Variants in CFAP58 observed in about 807,000 individuals in gnomAD.
The protein encoded by CFAP58 is cilia and flagella associated protein 58.
Under a neutral mutation model 119.5 loss-of-function variants are expected in CFAP58, and 88 were observed. That is an observed-to-expected ratio of 0.74 (90% confidence interval 0.62 to 0.88). The LOEUF (loss-of-function observed/expected upper bound fraction) is 0.88, where lower values mean the gene tolerates loss of function less well. Among genes scored for constraint, CFAP58 ranks in the 40% least tolerant of loss-of-function variants. The pLI, the probability that CFAP58 is intolerant of heterozygous loss-of-function variation, is 0.00. For missense variants in CFAP58, 990 were observed against 1,021.2 expected, an observed-to-expected ratio of 0.97 and a Z score of 0.42; for synonymous variants, 365 against 366.3, an observed-to-expected ratio of 1.00 and a Z score of 0.04.
intron 15 of CFAP58, among the ~76,000 whole-genome samples, chr10:104,438,348 G>GTTTTTTTTTTT (rs759400382): frequency 2.7e-5 from 1 of 36,740 alleles, no homozygotes; most frequent in African/African-American, 8.8e-5. Flanking sequence ...TTTGTTTTTT[G>GTTTTTTTTTTT]TTTTTTTTTT....
intron 9 of CFAP58, among the ~76,000 whole-genome samples, chr10:104,381,389 C>T (rs373497035): frequency 1.2e-4 from 18 of 152,254 alleles, no homozygotes; most frequent in African/African-American, 4.3e-4. Context: ...TTAATGCATT[C>T]ATAGATGGCA....
chr10:104,364,641 C>T lies in CFAP58; in HGVS notation c.441-92C>T, dbSNP rs897793838. ...TGAATAGTGTTAATCATTGACCTGACATCTTTCCCATGAAAATGAACTCAG... is the reference window on the plus strand; with the variant it reads ...TGAATAGTGTTAATCATTGACCTGATATCTTTCCCATGAAAATGAACTCAG... On this transcript the variant is annotated intron_variant, in intron 3 of 17. Coordinates refer to ENST00000369704, the MANE Select transcript of CFAP58 (RefSeq NM_001008723.2). 4.4e-6 allele frequency: 5 copies of T among 1,135,956 alleles called. No homozygotes were observed. In the African/African-American group the frequency reaches 4.8e-5, roughly 11 times the overall value. The allele number at this position is 1,135,956 out of a possible 1,614,324, so 70.4% of individuals were successfully genotyped here.
At chr10:104,368,169 C>T (rs1303100139) in intron 5 of CFAP58, among the ~76,000 whole-genome samples, 1 of 152,256 alleles carries the variant, frequency 6.6e-6, no homozygotes, top group East Asian at 1.9e-4. Context: ...GTGAACAAGA[C>T]TTCCCAAGGC....
At chr10:104,396,183 G>C (rs2012149519) in intron 11 of CFAP58, among the ~76,000 whole-genome samples, 1 of 152,134 alleles carries the variant, frequency 6.6e-6, no homozygotes, top group Non-Finnish European at 1.5e-5. Flanking sequence ...ACAAGCCCCT[G>C]CTTCTATCTT....
At chr10:104,417,450 C>T (rs1014592956) in intron 15 of CFAP58, among the ~76,000 whole-genome samples, 5 of 152,172 alleles carry the variant, frequency 3.3e-5, no homozygotes, top group African/African-American at 1.2e-4. Context: ...TCTTAAACTG[C>T]AGGGACTGAT....
At chr10:104,442,449 G>T (rs544796455) in intron 15 of CFAP58, among the ~76,000 whole-genome samples, 1 of 151,998 alleles carries the variant, frequency 6.6e-6, no homozygotes, top group Non-Finnish European at 1.5e-5. Flanking sequence ...TTAGCTGGGC[G>T]TGGTGGCATG....
At chr10:104,363,980 T>G (rs1010738135) in intron 3 of CFAP58, among the ~76,000 whole-genome samples, 2 of 152,222 alleles carry the variant, frequency 1.3e-5, no homozygotes, top group African/African-American at 4.8e-5. Flanking sequence ...TCATATGGAA[T>G]GGCTTTTGAA....
At chr10:104,432,703 A>G (rs1361186316) in intron 15 of CFAP58, among the ~76,000 whole-genome samples, 1 of 152,156 alleles carries the variant, frequency 6.6e-6, no homozygotes, top group Non-Finnish European at 1.5e-5. Context: ...GGGTTTTACC[A>G]TGTTGGCCAG....
rs748913952 is a variant in CFAP58 at position 104,358,482 on chromosome 10, A to T, written c.151A>T (p.Lys51Ter). 10 of 1,614,104 alleles carry T rather than the reference A, an allele frequency of 6.2e-6. No individual in the cohort carries two copies. The change falls in exon 2 of 18, where the codon AAA becomes TAA. Residue 51 changes from lysine (K) to a stop codon, truncating the protein, a stop_gained. Coordinates refer to ENST00000369704, the MANE Select transcript of CFAP58 (RefSeq NM_001008723.2). LOFTEE classifies it high-confidence loss of function. Reference sequence around the variant, plus strand: ...ATATGAGAGGCTTCATGCTGTCATGAAAAAGTCTTATGACAATGAAAAGCG... The same window carrying T: ...ATATGAGAGGCTTCATGCTGTCATGTAAAAGTCTTATGACAATGAAAAGCG... ...IEYERLHAVM[K>*]KSYDNEKRLM...
chr10:104,368,033 C>G (rs2014774890), intron 5 of CFAP58, among the ~76,000 whole-genome samples: 1 of 152,254 alleles, frequency 6.6e-6, no homozygotes, highest in South Asian at 2.1e-4. Context: ...GAAGATGTAG[C>G]TTCCGAGCCC....
At chr10:104,420,419 T>A (rs2012636854) in intron 15 of CFAP58, among the ~76,000 whole-genome samples, 1 of 152,220 alleles carries the variant, frequency 6.6e-6, no homozygotes, top group African/African-American at 2.4e-5. Flanking sequence ...CACTTGTAAT[T>A]TCAGCCAACC....
intron 15 of CFAP58, among the ~76,000 whole-genome samples, chr10:104,419,134 C>T (rs1163399347): frequency 2.0e-5 from 3 of 152,176 alleles, no homozygotes; most frequent in Non-Finnish European, 2.9e-5. Context: ...TGCCTGCTTT[C>T]CTGCACATGC....
intron 7 of CFAP58, 129 bp downstream of exon 7, chr10:104,371,183 T>C (rs1159023834): frequency 2.4e-6 from 2 of 834,842 alleles, no homozygotes; most frequent in Non-Finnish European, 3.6e-6. Context: ...ACACTCACAC[T>C]GGTAAACAGT....
chr10:104,436,694 AT>A (rs1338698834), intron 15 of CFAP58, among the ~76,000 whole-genome samples: 20 of 152,208 alleles, frequency 1.3e-4, no homozygotes, highest in African/African-American at 4.3e-4. Flanking sequence ...CACCTCCAGT[AT>A]TGGGGATTAC....
At chr10:104,341,687 A>C in the CFAP58 span, among the ~76,000 whole-genome samples, 1 of 151,706 alleles carries the variant, frequency 6.6e-6, no homozygotes. Flanking sequence ...CAGAAATTTA[A>C]AATAATATAT....
Position 104,357,983 on chromosome 10 carries a change from GTA to G in CFAP58, c.10-357_10-356del, listed in dbSNP as rs1564876272. 8.8e-3 allele frequency among the ~76,000 whole-genome samples: 1,131 copies of G among 128,256 alleles called. 62 individuals are homozygous for G. Among genetic ancestry groups the G allele is most frequent in the African/African-American group, 0.034 (1,091 of 32,368 alleles). The allele number at this position is 128,256 out of a possible 152,430, so 84.1% of individuals were successfully genotyped here. Reference sequence around the variant, plus strand: ...CATATATGTACACATATGTACATATGTACACATATATGTACACATATATACAC... The same window carrying G: ...CATATATGTACACATATGTACATATGCACATATATGTACACATATATACAC... On this transcript the variant is annotated intron_variant, in intron 1 of 17. Coordinates refer to ENST00000369704, the MANE Select transcript of CFAP58 (RefSeq NM_001008723.2).
chr10:104,451,023 T>C (rs1439377097), intron 17 of CFAP58, among the ~76,000 whole-genome samples: 1 of 152,182 alleles, frequency 6.6e-6, no homozygotes, highest in African/African-American at 2.4e-5. Context: ...TCTCTTCACA[T>C]TGTTAGTATT....
intron 15 of CFAP58, among the ~76,000 whole-genome samples, chr10:104,426,957 G>A (rs185872294): frequency 6.6e-6 from 1 of 152,212 alleles, no homozygotes; most frequent in East Asian, 1.9e-4. Context: ...TAAAAAATTA[G>A]TTGGAACAAT....
chr10:104,390,972 A>T (rs918349041), intron 9 of CFAP58, among the ~76,000 whole-genome samples: 7 of 152,214 alleles, frequency 4.6e-5, no homozygotes, highest in South Asian at 2.1e-4. Context: ...CTGTAAAAAA[A>T]TTTTGAAAGG....
Sources: gnomAD v4.1 joint callset for allele counts (sites outside exome capture counted in the v4.1 genomes callset) on GRCh38, gnomAD v4.1.1 for gene constraint, MANE v1.5 for transcripts, NCBI Gene and HGNC (gene_info 2026-07-23, HGNC 2026-07-21) for gene names.